DPH6: variants seen among roughly 807,000 people sequenced by gnomAD.
DPH6 encodes diphthamine biosynthesis 6.
In DPH6, 33 loss-of-function variants were observed where a neutral mutation model predicts 38.2. The observed-to-expected ratio is 0.86, with a 90% CI of 0.65 to 1.15. The LOEUF (loss-of-function observed/expected upper bound fraction) is 1.15. Among genes scored for constraint, DPH6 ranks in the 50% most tolerant of loss-of-function variants. The pLI is 0.00. For missense variants in DPH6, 325 were observed against 320.0 expected (o/e 1.02, Z -0.12); for synonymous variants, 108 against 103.0 (o/e 1.05, Z -0.30).
the DPH6 span, among the ~76,000 whole-genome samples, chr15:35,165,486 A>G: frequency 6.6e-6 from 1 of 151,856 alleles, no homozygotes; most frequent in Non-Finnish European, 1.5e-5. Context: ...TGTTTTTTAC[A>G]TTTCCAAATT....
chr15:35,537,843 G>A (rs2055193261), intron 3 of DPH6, among the ~76,000 whole-genome samples: 1 of 151,858 alleles, frequency 6.6e-6, no homozygotes, highest in Non-Finnish European at 1.5e-5. Context: ...ATTGTTTATT[G>A]TCTGTCCTCT....
At chr15:35,407,274 C>T (rs1390920877) in intron 6 of DPH6, among the ~76,000 whole-genome samples, 1 of 151,744 alleles carries the variant, frequency 6.6e-6, no homozygotes, top group East Asian at 1.9e-4. Context: ...AGAAGGTTTC[C>T]AGTGAATTAC....
intron 5 of DPH6, among the ~76,000 whole-genome samples, chr15:35,439,051 C>G (rs2053752191): frequency 1.3e-5 from 2 of 152,164 alleles, no homozygotes; most frequent in Non-Finnish European, 2.9e-5. Flanking sequence ...TACTAATCTG[C>G]TTTTTAGCAA....
chr15:35,324,041 C>A (rs887246037), intron 3 of DPH6, among the ~76,000 whole-genome samples: 3 of 152,074 alleles, frequency 2.0e-5, no homozygotes. Context: ...TGAGCGTATC[C>A]CACCACTGGC....
At chr15:35,162,198 C>T in the DPH6 span, among the ~76,000 whole-genome samples, 1 of 151,822 alleles carries the variant, frequency 6.6e-6, no homozygotes, top group Non-Finnish European at 1.5e-5. Flanking sequence ...TTTCACATGC[C>T]CAAGCCTAGT....
intron 3 of DPH6, among the ~76,000 whole-genome samples, chr15:35,232,874 T>A (rs1566845337): frequency 6.6e-6 from 1 of 152,214 alleles, no homozygotes; most frequent in Non-Finnish European, 1.5e-5. Context: ...TGCAAGAGAA[T>A]GCAAAGACAT....
chr15:35,253,367 T>C (rs768223596), intron 3 of DPH6, among the ~76,000 whole-genome samples: 35 of 152,332 alleles, frequency 2.3e-4, no homozygotes, highest in Non-Finnish European at 4.6e-4. Context: ...CAGATTCTTA[T>C]ATTCTGGTGC....
intron 3 of DPH6, among the ~76,000 whole-genome samples, chr15:35,483,388 C>A (rs1162318670): frequency 1.3e-5 from 2 of 151,304 alleles, no homozygotes; most frequent in Admixed American, 1.3e-4. Flanking sequence ...TGCTTAAACC[C>A]AGGAGGCAGA....
intron 6 of DPH6, among the ~76,000 whole-genome samples, chr15:35,399,141 G>A (rs550308379): frequency 1.3e-5 from 2 of 152,032 alleles, no homozygotes; most frequent in South Asian, 2.1e-4. Flanking sequence ...AAAACAAACA[G>A]TGAGGAAAAT....
chr15:35,246,938 C>T (rs1307288876), intron 3 of DPH6, among the ~76,000 whole-genome samples: 3 of 151,868 alleles, frequency 2.0e-5, no homozygotes, highest in African/African-American at 4.8e-5. Context: ...ATCTTTTCTA[C>T]AAAAGTACTC....
intron 3 of DPH6, among the ~76,000 whole-genome samples, chr15:35,224,019 C>T (rs1340149682): frequency 6.6e-6 from 1 of 151,314 alleles, no homozygotes; most frequent in Non-Finnish European, 1.5e-5. Flanking sequence ...AACCATATAG[C>T]ATGTAGCCTT....
chr15:35,262,403 AT>A lies in DPH6; in HGVS notation n.201-41822del, dbSNP rs1287069757. On this transcript the variant is annotated intron_variant and non_coding_transcript_variant, in intron 3 of 3. Coordinates refer to the DPH6 transcript ENST00000560386. The stretch of plus-strand genomic sequence containing the variant: ...GTCTTTAAAAAATGTTTTCTAAGTG[AT>A]TTTTTTTAAAAAGATACCTTGGCTG... Among the ~76,000 whole-genome samples the A allele has an allele frequency of 2.6e-5, 4 of 152,118 alleles. No homozygotes were observed. In the East Asian group the frequency reaches 7.7e-4, roughly 29 times the overall value.
chr15:35,246,065 C>T lies in DPH6; in HGVS notation n.201-25483G>A, dbSNP rs568933168. ...CCACTGAGCACCTTGTGACCCCTGCCCCTGCCAGCCAGAGAACAACCCCTT... is the reference window on the plus strand; with the variant it reads ...CCACTGAGCACCTTGTGACCCCTGCTCCTGCCAGCCAGAGAACAACCCCTT... On this transcript the variant is annotated intron_variant and non_coding_transcript_variant, in intron 3 of 3. Transcript: ENST00000560386. Among the ~76,000 whole-genome samples the T allele has an allele frequency of 3.3e-5, 5 of 152,296 alleles. No homozygotes were observed. In the East Asian group the frequency reaches 7.7e-4, roughly 24 times the overall value.
chr15:35,366,227 C>CG (rs2052657423), downstream of DPH6, among the ~76,000 whole-genome samples: 10 of 83,958 alleles, frequency 1.2e-4, no homozygotes, highest in South Asian at 2.0e-3. Flanking sequence ...TTTTAGTCAT[C>CG]TTGTGTGTGT....
intron 3 of DPH6, among the ~76,000 whole-genome samples, chr15:35,290,485 C>G (rs904471983): frequency 2.0e-5 from 3 of 152,174 alleles, no homozygotes; most frequent in Non-Finnish European, 2.9e-5. Context: ...GTCAGAGGAG[C>G]TGGAGACTTC....
chr15:35,275,400 A>G (rs2051850805), intron 3 of DPH6, among the ~76,000 whole-genome samples: 1 of 152,220 alleles, frequency 6.6e-6, no homozygotes, highest in African/African-American at 2.4e-5. Context: ...TGTCCTTTGC[A>G]GGAACATGGA....
At chr15:35,203,938 T>G in the DPH6 span, among the ~76,000 whole-genome samples, 1 of 151,702 alleles carries the variant, frequency 6.6e-6, no homozygotes, top group Non-Finnish European at 1.5e-5. Context: ...TTGGTGGAGA[T>G]CTTATATTAT....
intron 3 of DPH6, among the ~76,000 whole-genome samples, chr15:35,273,028 T>C (rs1465880867): frequency 1.3e-5 from 2 of 152,072 alleles, no homozygotes; most frequent in East Asian, 3.9e-4. Flanking sequence ...TCCTGAGGAC[T>C]ATCACAAGCT....
At chr15:35,177,600 AATCATCATCATC>A in the DPH6 span, among the ~76,000 whole-genome samples, 6 of 134,470 alleles carry the variant, frequency 4.5e-5, no homozygotes, top group South Asian at 2.5e-4. Context: ...AAAAAAAAAA[AATCATCATCATC>A]ATCATCATCA....
Sources: allele counts gnomAD v4.1 joint callset (sites outside exome capture counted in the v4.1 genomes callset), GRCh38; gene constraint gnomAD v4.1.1; transcripts MANE v1.5; gene names NCBI Gene and HGNC (gene_info 2026-07-23, HGNC 2026-07-21).